CARMIL3: variants seen among roughly 807,000 people sequenced by gnomAD.
The protein encoded by CARMIL3 is capping protein regulator and myosin 1 linker 3, also known as capping protein, Arp2/3 and myosin-I linker protein 3.
CARMIL3 carries 88 observed loss-of-function variants against 180.8 expected under a neutral mutation model. The ratio of observed to expected loss-of-function variants is 0.49; its 90% CI spans 0.41 to 0.58. The LOEUF (loss-of-function observed/expected upper bound fraction) is 0.58. Ranked by LOEUF, CARMIL3 falls within the 20% of genes least tolerant of loss-of-function variation. CARMIL3 has a pLI of 0.00. For synonymous variants in CARMIL3, 696 were observed against 714.5 expected (o/e 0.97, Z 0.41); for missense variants, 1,548 against 1,787.0 (o/e 0.87, Z 2.41).
chr14:24,053,238 C>A (rs1425708500), intron 1 of CARMIL3, among the ~76,000 whole-genome samples: 1 of 152,136 alleles, frequency 6.6e-6, no homozygotes, highest in African/African-American at 2.4e-5. Context: ...CACACTCAGG[C>A]TCCCTGACAT....
rs764998273 is a variant in CARMIL3 at position 24,052,027 on chromosome 14, G to C, written c.-127G>C. On this transcript the variant is annotated 5_prime_UTR_variant, in exon 1 of 40. Coordinates refer to ENST00000342740, the MANE Select transcript of CARMIL3 (RefSeq NM_138360.4). ...AGCGCTCAAGCAGCCGCCCCTGACCGGAGCGGGCTCGGCCGCTGCTGCAGC... is the reference window on the plus strand; with the variant it reads ...AGCGCTCAAGCAGCCGCCCCTGACCCGAGCGGGCTCGGCCGCTGCTGCAGC... The C allele has an allele frequency of 1.9e-3, 1,727 of 899,252 alleles. 4 individuals carry two copies. The highest frequency in any genetic ancestry group is 2.4e-3 in the Non-Finnish European group (1,581 of 655,502). 55.7% of individuals were successfully genotyped at this position (899,252 alleles called of 1,614,324 possible).
intron 36 of CARMIL3, 21 bp downstream of exon 36, chr14:24,066,677 G>GGCA: frequency 6.2e-7 from 1 of 1,612,708 alleles, no homozygotes. Context: ...CCTCTTTTCA[G>GGCA]GCAGCAGTAC....
rs1237539170 is a variant in CARMIL3, at chr14:24,060,189, C to A, written c.1995C>A (p.Ser665=). 12 of 1,614,096 alleles carry A rather than the reference C, an allele frequency of 7.4e-6. 1 individual carries two copies. In the East Asian group the frequency reaches 2.7e-4, roughly 36 times the overall value. The change falls in exon 24 of 40, where the codon TCC becomes TCA. Residue 665 remains serine (S), a synonymous_variant. Transcript: ENST00000342740. The stretch of plus-strand genomic sequence containing the variant: ...GGTGCTTAGTGAGGAACAACCACTC[C>A]CAGACGTGCCCCCAGGAGCAGGCCT... The part of the protein sequence containing the change: ...IQWCLVRNNH[S]QTCPQEQAFR...
intron 31 of CARMIL3, 107 bp from the exon 32 acceptor site, chr14:24,064,139 T>A: frequency 1.4e-6 from 1 of 690,072 alleles, no homozygotes; most frequent in Non-Finnish European, 2.5e-6. Flanking sequence ...TGAACTGAAG[T>A]CTACATTTCC....
chr14:24,069,404 A>G lies in CARMIL3; in HGVS notation c.4119A>G (p.Ter1373TrpextTer51), dbSNP rs771531364. Residue 1373 changes from the stop codon to tryptophan (W), a stop_lost, in exon 40 of 40, where the codon TGA (stop) becomes TGG (tryptophan). Coordinates refer to ENST00000342740, the MANE Select transcript of CARMIL3 (RefSeq NM_138360.4). ...PTGTSEPGTD[*>W] ...GAACCAGTGAGCCAGGAACAGACTG[A>G]CAACTGCCACAACACCCTCCTCAGC... 19 of 1,614,100 alleles carry G rather than the reference A, an allele frequency of 1.2e-5. No homozygotes were observed. Among genetic ancestry groups the G allele is most frequent in the Middle Eastern group, 1.6e-4 (1 of 6,062 alleles).
intron 8 of CARMIL3, 116 bp from the exon 9 acceptor site, chr14:24,055,427 C>G (rs2035662386): frequency 6.8e-7 from 1 of 1,476,032 alleles, no homozygotes; most frequent in Admixed American, 1.7e-5. Flanking sequence ...CAACTCCATC[C>G]CATCCCCATC....
chr14:24,057,090 C>A, intron 13 of CARMIL3, 66 bp downstream of exon 13: 1 of 1,596,146 alleles, frequency 6.3e-7, no homozygotes, highest in Non-Finnish European at 8.6e-7. Flanking sequence ...GCTGGGAGGC[C>A]TTCTGCCCCA....
chr14:24,068,729 A>T (rs1174311329), intron 37 of CARMIL3, 27 bp downstream of exon 37: 1 of 1,613,288 alleles, frequency 6.2e-7, no homozygotes, highest in Admixed American at 1.7e-5. Context: ...TGGGTGGGGG[A>T]GGCACTTTGA....
In CARMIL3 at chr14:24,055,079, G is replaced by C. The variant is rs768336447; in HGVS notation, c.474G>C (p.Glu158Asp). 28 of 1,613,316 alleles carry C rather than the reference G, an allele frequency of 1.7e-5. No homozygotes were observed. Among genetic ancestry groups the C allele is most frequent in the Non-Finnish European group, 2.4e-5 (28 of 1,180,000 alleles). ...CCTGCCCCACAGGTGGCTTCTCTGA[G>C]ACCTACGCTGCTCTGTGTGACTACA... ...TTHSVCGGFS[E>D]TYAALCDYNG... Residue 158 changes from glutamate to aspartate, a missense_variant, in exon 7 of 40, where the codon GAG becomes GAC. By Grantham distance (45) the Glu-to-Asp change is conservative. Coordinates refer to ENST00000342740, the MANE Select transcript of CARMIL3 (RefSeq NM_138360.4).
rs1234784088 is a variant in CARMIL3 at position 24,061,086 on chromosome 14, G to C, written c.2304+46G>C. The C allele has an allele frequency of 2.0e-6, 3 of 1,502,298 alleles. No individual in the cohort carries two copies. Among genetic ancestry groups the C allele is most frequent in the Admixed American group, 2.0e-5 (1 of 50,786 alleles). 93.1% of individuals were successfully genotyped at this position (1,502,298 alleles called of 1,614,324 possible). ...GAATCCATGGTGGGAACCTAGTGTTGACTGAGGCCCTAAGCCCAGAGCTAA... is the reference window on the plus strand; with the variant it reads ...GAATCCATGGTGGGAACCTAGTGTTCACTGAGGCCCTAAGCCCAGAGCTAA... On this transcript the variant is annotated intron_variant, in intron 26 of 39. Coordinates refer to ENST00000342740, the MANE Select transcript of CARMIL3 (RefSeq NM_138360.4). The surrounding 1 kb of genome is among the most constrained non-coding windows in gnomAD (Gnocchi z 4.1).
intron 27 of CARMIL3, 29 bp from the exon 28 acceptor site, chr14:24,062,451 G>A: frequency 6.2e-7 from 1 of 1,600,698 alleles, no homozygotes; most frequent in Non-Finnish European, 8.6e-7. Context: ...AGGTGCTAAT[G>A]TTCTGAGTAG....
rs1366493023 is a variant in CARMIL3 at position 24,056,313 on chromosome 14, A to G, written c.785A>G (p.Lys262Arg). Residue 262 changes from lysine (K) to arginine (R), a missense_variant, in exon 11 of 40, where the codon AAG becomes AGG. Coordinates refer to ENST00000342740, the MANE Select transcript of CARMIL3 (RefSeq NM_138360.4). ...NAGLKTDFVQ[K>R]LAGVFGENGS... ...CTTCCCTGAAGGGACTTTGTCCAGA[A>G]GCTGGCCGGGGTGTTTGGGGAGAAC... The G allele has an allele frequency of 6.2e-7, 1 of 1,613,862 alleles. No individual in the cohort carries two copies. Among genetic ancestry groups the G allele is most frequent in the African/African-American group, 1.3e-5 (1 of 74,928 alleles).
In CARMIL3 at chr14:24,065,631, G is replaced by A; in HGVS notation, c.3406G>A (p.Gly1136Arg). 1 of 1,611,584 alleles carries A rather than the reference G, an allele frequency of 6.2e-7. No individual in the cohort carries two copies. Among genetic ancestry groups the A allele is most frequent in the East Asian group, 2.2e-5 (1 of 44,778 alleles). Residue 1136 changes from glycine to arginine, a missense_variant, in exon 34 of 40, where the codon GGG (glycine) becomes AGG (arginine). Coordinates refer to ENST00000342740, the MANE Select transcript of CARMIL3 (RefSeq NM_138360.4). ...AGAGACCTTGTTCTAGGGCACTGAGGGGTCAGAGCCAGGGGAGGGGGGCCC... is the reference window on the plus strand; with the variant it reads ...AGAGACCTTGTTCTAGGGCACTGAGAGGTCAGAGCCAGGGGAGGGGGGCCC... ...PSFRRKMGTE[G>R]SEPGEGGPAP...
At chr14:24,052,286 C>G (rs758304460) in intron 1 of CARMIL3, 93 bp downstream of exon 1, 3 of 1,280,916 alleles carry the variant, frequency 2.3e-6, no homozygotes, top group Admixed American at 4.6e-5. Flanking sequence ...CCCGGTGTCT[C>G]ACACCCCTCA....
chr14:24,058,059 C>T lies in CARMIL3; in HGVS notation c.1317C>T (p.Ala439=), dbSNP rs777878381. 9 of 1,613,742 alleles carry T rather than the reference C, an allele frequency of 5.6e-6. No individual in the cohort carries two copies. Among genetic ancestry groups the T allele is most frequent in the Non-Finnish European group, 7.6e-6 (9 of 1,180,030 alleles). Residue 439 remains alanine (A), a synonymous_variant, in exon 16 of 40, where the codon GCC becomes GCT. Transcript: ENST00000342740. This position sits in a 1 kb window ranked among gnomAD's most constrained non-coding sequence, Gnocchi z 6.4. The part of the protein sequence containing the change: ...NLSATKLPLE[A]LRALLQGLSL... ...CGGCCACAAAGCTGCCCCTGGAGGC[C>T]CTCAGGTCGGGTGGGTGCAGGGTTG...
In CARMIL3 at chr14:24,052,054, C is replaced by A; in HGVS notation, c.-100C>A. 7.9e-7 allele frequency: 1 copy of A among 1,264,888 alleles called. No individual in the cohort carries two copies. Among genetic ancestry groups the A allele is most frequent in the Non-Finnish European group, 1.0e-6 (1 of 961,610 alleles). 78.4% of individuals were successfully genotyped at this position (1,264,888 alleles called of 1,614,324 possible). The stretch of plus-strand genomic sequence containing the variant: ...AGCGGGCTCGGCCGCTGCTGCAGCG[C>A]TCAGCGCCCGGGCCCTGCTGAAGCC... On this transcript the variant is annotated 5_prime_UTR_variant, in exon 1 of 40. Transcript: ENST00000342740.
intron 27 of CARMIL3, chr14:24,062,226 T>G (rs771969982): frequency 1.8e-6 from 1 of 570,522 alleles, no homozygotes; most frequent in Non-Finnish European, 3.1e-6. Context: ...TAGGGCCCCC[T>G]TGCTCCTTCT....
rs1291862957 is a variant in CARMIL3, at chr14:24,060,018, A to C, written c.1917A>C (p.Gln639His). The C allele has an allele frequency of 6.2e-7, 1 of 1,613,986 alleles. No homozygotes were observed. The highest frequency in any genetic ancestry group is 2.2e-5 in the East Asian group (1 of 44,878). The part of the protein sequence containing the change: ...FMSFPVSDIS[Q>H]AYRSAPERTE... Reference sequence around the variant, plus strand: ...CCTTCCCCGTGAGCGACATCTCCCAAGCCTATCGCAGCGCGCCTGAGCGCA... The same window carrying C: ...CCTTCCCCGTGAGCGACATCTCCCACGCCTATCGCAGCGCGCCTGAGCGCA... Residue 639 changes from glutamine to histidine, a missense_variant, in exon 23 of 40, where the codon CAA (glutamine) becomes CAC (histidine). This residue lies in a region of CARMIL3 where 297 missense variants were observed against 415.9 expected (regional missense o/e 0.71). Coordinates refer to ENST00000342740, the MANE Select transcript of CARMIL3 (RefSeq NM_138360.4).
At chr14:24,063,256 TTC>T (rs983248501) in intron 30 of CARMIL3, 67 bp from the exon 31 acceptor site, 7 of 1,593,670 alleles carry the variant, frequency 4.4e-6, no homozygotes, top group African/African-American at 2.7e-5. Flanking sequence ...CCTTGATTTT[TTC>T]TCTGTCTCCC....
Sources: gnomAD v4.1 joint callset for allele counts (sites outside exome capture counted in the v4.1 genomes callset) on GRCh38, gnomAD v4.1.1 for gene constraint, gnomAD v4.1.1 regional missense constraint, Gnocchi (gnomAD v3.1) non-coding constraint, MANE v1.5 for transcripts, NCBI Gene and HGNC (gene_info 2026-07-23, HGNC 2026-07-21) for gene names.